ACOXL: variants seen among roughly 807,000 people sequenced by gnomAD.
ACOXL encodes acyl-CoA oxidase like.
A neutral mutation model predicts 71.9 loss-of-function variants in ACOXL; 70 were observed. The observed-to-expected ratio is 0.97, with a 90% confidence interval of 0.80 to 1.19. The LOEUF is 1.19. Ranked by LOEUF, ACOXL falls within the 50% of genes most tolerant of loss-of-function variation. ACOXL has a pLI of 0.00. For missense variants in ACOXL, 703 were observed against 736.3 expected, an observed-to-expected ratio of 0.95 and a Z score of 0.52; for synonymous variants, 253 against 281.6, an observed-to-expected ratio of 0.90 and a Z score of 1.02.
At chr2:110,951,150 G>T (rs114708884) in intron 12 of ACOXL, among the ~76,000 whole-genome samples, 2 of 152,174 alleles carry the variant, frequency 1.3e-5, no homozygotes, top group Non-Finnish European at 2.9e-5. Context: ...GCCAGCGGAC[G>T]TCCCATCTCT....
intron 12 of ACOXL, among the ~76,000 whole-genome samples, chr2:110,973,209 CACTG>C (rs1180301771): frequency 1.3e-5 from 2 of 152,224 alleles, no homozygotes; most frequent in African/African-American, 2.4e-5. Flanking sequence ...ATGTCAATGA[CACTG>C]ACAGTGGGAG....
chr2:110,892,127 G>A (rs1697993551), intron 10 of ACOXL, among the ~76,000 whole-genome samples: 1 of 152,114 alleles, frequency 6.6e-6, no homozygotes, highest in Non-Finnish European at 1.5e-5. Flanking sequence ...AATAACAAGA[G>A]TCAGGTTATT....
intron 12 of ACOXL, among the ~76,000 whole-genome samples, chr2:110,985,006 G>T (rs974300067): frequency 6.6e-6 from 1 of 152,210 alleles, no homozygotes; most frequent in African/African-American, 2.4e-5. Flanking sequence ...AGAGAAAGCT[G>T]TGGGAGTGGG....
chr2:110,879,481 A>G (rs866211241), intron 10 of ACOXL, among the ~76,000 whole-genome samples: 15 of 152,168 alleles, frequency 9.9e-5, no homozygotes, highest in African/African-American at 3.4e-4. Context: ...ATTACCAACA[A>G]TCTCTCCCGG....
At chr2:110,912,891 A>G (rs774240669) in intron 11 of ACOXL, among the ~76,000 whole-genome samples, 27 of 152,216 alleles carry the variant, frequency 1.8e-4, no homozygotes, top group Non-Finnish European at 3.4e-4. Context: ...TAGAACATAC[A>G]TGAATTCTTT....
chr2:111,005,297 A>G (rs1211482157), intron 14 of ACOXL, among the ~76,000 whole-genome samples: 1 of 152,226 alleles, frequency 6.6e-6, no homozygotes, highest in Non-Finnish European at 1.5e-5. Flanking sequence ...TTTGCAAATG[A>G]ACATCATTAA....
chr2:111,117,046 C>T (rs994083005), intron 17 of ACOXL, among the ~76,000 whole-genome samples: 11 of 152,188 alleles, frequency 7.2e-5, no homozygotes, highest in African/African-American at 2.4e-4. Context: ...AGCATTGGTC[C>T]GCCGTCTCAC....
chr2:110,934,166 G>C (rs183291062), intron 12 of ACOXL, among the ~76,000 whole-genome samples: 79 of 152,334 alleles, frequency 5.2e-4, no homozygotes, highest in African/African-American at 1.8e-3. Context: ...TCTGAGAGCA[G>C]CTGGATCTGT....
At chr2:110,885,635 A>G (rs10186753) in intron 10 of ACOXL, among the ~76,000 whole-genome samples, 48,948 of 152,046 alleles carry the variant, frequency 0.32, 8,143 homozygotes, top group Middle Eastern at 0.39. Flanking sequence ...TTATCACAAC[A>G]TTAGCTTTGT....
intron 1 of ACOXL, among the ~76,000 whole-genome samples, chr2:110,739,782 C>T (rs1474054243): frequency 6.6e-6 from 1 of 152,182 alleles, no homozygotes; most frequent in Non-Finnish European, 1.5e-5. Flanking sequence ...GCTCCGTCAG[C>T]CCTGTAGACT....
At chr2:110,927,155 G>A (rs555568232) in intron 11 of ACOXL, among the ~76,000 whole-genome samples, 72 of 152,194 alleles carry the variant, frequency 4.7e-4, no homozygotes, top group Middle Eastern at 3.4e-3. Flanking sequence ...GGAGCAAAGC[G>A]GGAAGTGCCA....
intron 2 of ACOXL, among the ~76,000 whole-genome samples, chr2:110,768,765 A>T (rs543005680): frequency 2.6e-5 from 4 of 152,134 alleles, no homozygotes; most frequent in African/African-American, 9.6e-5. Context: ...GCGTGTACTC[A>T]GTGTTTAGCT....
intron 12 of ACOXL, among the ~76,000 whole-genome samples, chr2:110,950,732 A>G (rs1442131142): frequency 6.6e-6 from 1 of 151,884 alleles, no homozygotes; most frequent in Non-Finnish European, 1.5e-5. Context: ...ATTATTTTGG[A>G]TGCAAATAAA....
At chr2:110,963,553 C>G in intron 12 of ACOXL, 10 of 1,536,372 alleles carry the variant, frequency 6.5e-6, no homozygotes, top group Non-Finnish European at 8.8e-6. Context: ...GTGATGGGAT[C>G]GCAAATTTGA....
At chr2:110,828,945 G>A (rs966192691) in intron 9 of ACOXL, among the ~76,000 whole-genome samples, 2 of 152,102 alleles carry the variant, frequency 1.3e-5, no homozygotes, top group Admixed American at 6.5e-5. Context: ...CCGAGTAGCT[G>A]GGATTACAGG....
At chr2:110,835,056 C>T (rs1350753650) in intron 9 of ACOXL, among the ~76,000 whole-genome samples, 1 of 152,164 alleles carries the variant, frequency 6.6e-6, no homozygotes, top group Admixed American at 6.5e-5. Flanking sequence ...CACCTGTTTC[C>T]TTAGGTTAAA....
chr2:110,971,287 A>G (rs1355702470), intron 12 of ACOXL, among the ~76,000 whole-genome samples: 1 of 152,256 alleles, frequency 6.6e-6, no homozygotes, highest in Non-Finnish European at 1.5e-5. Flanking sequence ...CATTTCTATT[A>G]GAATGGCTAA....
At chr2:110,817,030 C>A (rs1240278639) in intron 9 of ACOXL, among the ~76,000 whole-genome samples, 1 of 152,246 alleles carries the variant, frequency 6.6e-6, no homozygotes, top group Non-Finnish European at 1.5e-5. Context: ...CTGCCTACTT[C>A]TCCCTTAGCT....
chr2:110,814,512 A>G (rs1009181069), intron 9 of ACOXL, among the ~76,000 whole-genome samples: 2 of 152,160 alleles, frequency 1.3e-5, no homozygotes, highest in African/African-American at 2.4e-5. Flanking sequence ...AAAGTTTACA[A>G]TTCCTTAGAT....
Sources: gnomAD v4.1 joint callset for allele counts (sites outside exome capture counted in the v4.1 genomes callset) on GRCh38, gnomAD v4.1.1 for gene constraint, MANE v1.5 for transcripts, NCBI Gene and HGNC (gene_info 2026-07-23, HGNC 2026-07-21) for gene names.